POMT1: variants seen among roughly 807,000 people sequenced by gnomAD.
POMT1 encodes protein O-mannosyltransferase 1.
Under a neutral mutation model 101.6 loss-of-function variants are expected in POMT1, and 85 were observed. The ratio of observed to expected loss-of-function variants is 0.84; its 90% CI spans 0.70 to 1.00. POMT1 has a LOEUF of 1.00. POMT1 is among the 50% of genes least tolerant of loss of function. POMT1 has a pLI of 0.00. For missense variants in POMT1, 857 were observed against 930.4 expected (o/e 0.92, Z 1.03); for synonymous variants, 371 against 383.0 (o/e 0.97, Z 0.37).
Position 131,519,052 on chromosome 9 carries a change from G to T in POMT1, c.1486+95G>T. On this transcript the variant is annotated intron_variant, in intron 15 of 19. Coordinates refer to ENST00000402686, the MANE Select transcript of POMT1 (RefSeq NM_001077365.2). The surrounding 1 kb of genome is among the most constrained non-coding windows in gnomAD (Gnocchi z 4.3). Reference sequence around the variant, plus strand: ...CAGAGTTCTCATTTTGGTGGGAAGGGAACTGAGCACATTCTCCATGCTCGG... The same window carrying T: ...CAGAGTTCTCATTTTGGTGGGAAGGTAACTGAGCACATTCTCCATGCTCGG... 1 of 1,574,820 alleles carries T rather than the reference G, an allele frequency of 6.3e-7. No homozygotes were observed. Among genetic ancestry groups the T allele is most frequent in the Middle Eastern group, 2.2e-4 (1 of 4,458 alleles).
Position 131,523,284 on chromosome 9 carries a change from T to G in POMT1, c.*178T>G, listed in dbSNP as rs915804227. The G allele has an allele frequency of 2.8e-6, 2 of 717,982 alleles. No homozygotes were observed. Among genetic ancestry groups the G allele is most frequent in the African/African-American group, 1.8e-5 (1 of 56,476 alleles). 44.5% of individuals were successfully genotyped at this position (717,982 alleles called of 1,614,324 possible). ...AAAAGCTCTCTGATGAGCACCTCCT[T>G]TTGTGCAAAGTTAATTTTTTCTCGA... On this transcript the variant is annotated 3_prime_UTR_variant, in exon 20 of 20. Coordinates refer to ENST00000402686, the MANE Select transcript of POMT1 (RefSeq NM_001077365.2).
In POMT1 at chr9:131,509,803, AG is replaced by A; in HGVS notation, c.601del (p.Val201TrpfsTer63). ...TLTGVACSCAVGIKYMGVFTY... is the reference protein window; with the variant it reads ...TLTGVACSCAXGIKYMGVFTY... Reference sequence around the variant, plus strand: ...TGACAGGGGTCGCTTGTTCCTGTGCAGTGGGGTGAGTTTGAGCCTCTGGTCT... The same window carrying A: ...TGACAGGGGTCGCTTGTTCCTGTGCATGGGGTGAGTTTGAGCCTCTGGTCT... On this transcript the variant is annotated frameshift_variant, in exon 7 of 20. Transcript: ENST00000402686. LOFTEE classifies it high-confidence loss of function. 1 of 1,614,140 alleles carries A rather than the reference AG, an allele frequency of 6.2e-7. No individual in the cohort carries two copies. Among genetic ancestry groups the A allele is most frequent in the Non-Finnish European group, 8.5e-7 (1 of 1,180,020 alleles).
At chr9:131,512,913 C>T (rs1046959520) in intron 11 of POMT1, among the ~76,000 whole-genome samples, 1 of 150,682 alleles carries the variant, frequency 6.6e-6, no homozygotes, top group African/African-American at 2.4e-5. Flanking sequence ...CGCCCGGCCC[C>T]CTCATACACT....
rs776575452 is a variant in POMT1, at chr9:131,503,466, C to T, written c.-31+393C>T. On this transcript the variant is annotated intron_variant, in intron 1 of 19. Coordinates refer to ENST00000402686, the MANE Select transcript of POMT1 (RefSeq NM_001077365.2). The surrounding 1 kb of genome is among the most constrained non-coding windows in gnomAD (Gnocchi z 4.4). ...TGGGACCTTTTGGGACGAAGGCGCTCAAGGCAGATGCAGCTCAGGGAGGGA... is the reference window on the plus strand; with the variant it reads ...TGGGACCTTTTGGGACGAAGGCGCTTAAGGCAGATGCAGCTCAGGGAGGGA... Among the ~76,000 whole-genome samples, 2 of 152,134 alleles carry T rather than the reference C, an allele frequency of 1.3e-5. No homozygotes were observed. Among genetic ancestry groups the T allele is most frequent in the Non-Finnish European group, 2.9e-5 (2 of 68,022 alleles).
At chr9:131,521,025 T>TA (rs1349993330) in intron 17 of POMT1, 3 of 378,832 alleles carry the variant, frequency 7.9e-6, no homozygotes, top group African/African-American at 6.3e-5. Flanking sequence ...TACTTTTTAA[T>TA]AGAGACGGGG....
chr9:131,513,172 CT>C, intron 11 of POMT1, 66 bp from the exon 12 acceptor site: 1 of 1,364,516 alleles, frequency 7.3e-7, no homozygotes, highest in Non-Finnish European at 1.0e-6. Context: ...AGCTGTGCCC[CT>C]CCGGTGCAGC....
intron 12 of POMT1, among the ~76,000 whole-genome samples, 171 bp from the exon 13 acceptor site, chr9:131,515,255 C>T (rs1019692079): frequency 1.3e-5 from 2 of 152,216 alleles, no homozygotes; most frequent in Admixed American, 6.5e-5. Context: ...CTCCCATCGC[C>T]GAGCCTCAAG....
Position 131,519,655 on chromosome 9 carries a change from C to T in POMT1, c.1584+169C>T, listed in dbSNP as rs1949515479. Among the ~76,000 whole-genome samples the T allele has an allele frequency of 6.6e-6, 1 of 152,170 alleles. No individual in the cohort carries two copies. Among genetic ancestry groups the T allele is most frequent in the Non-Finnish European group, 1.5e-5 (1 of 68,034 alleles). ...CTCCAGTGTAAGGGACTGTGTGTGA[C>T]ACCCCTGGCCCACACCTTGTGGCCC... is the stretch of plus-strand genomic sequence containing the variant. On this transcript the variant is annotated intron_variant, in intron 16 of 19. Transcript: ENST00000402686. The surrounding 1 kb of genome is among the most constrained non-coding windows in gnomAD (Gnocchi z 4.3).
Position 131,522,179 on chromosome 9 carries a change from T to C in POMT1, c.1958T>C (p.Leu653Pro). ...HYLPALTFQILLLPVVLQHIS... is the reference protein window; with the variant it reads ...HYLPALTFQIPLLPVVLQHIS... ...CTGCCCGCACTCACCTTCCAAATCCTTCTGCTCCCTGTGGTCCTGCAGCAC... is the reference window on the plus strand; with the variant it reads ...CTGCCCGCACTCACCTTCCAAATCCCTCTGCTCCCTGTGGTCCTGCAGCAC... The change falls in exon 19 of 20, where the codon CTT becomes CCT. Residue 653 changes from leucine (L) to proline (P), a missense_variant. Coordinates refer to ENST00000402686, the MANE Select transcript of POMT1 (RefSeq NM_001077365.2). This position sits in a 1 kb window ranked among gnomAD's most constrained non-coding sequence, Gnocchi z 5.5. 6.2e-7 allele frequency: 1 copy of C among 1,614,126 alleles called. No individual in the cohort carries two copies. Among genetic ancestry groups the C allele is most frequent in the Non-Finnish European group, 8.5e-7 (1 of 1,180,034 alleles).
Position 131,511,478 on chromosome 9 carries a change from G to A in POMT1, c.986+11G>A. The A allele has an allele frequency of 6.2e-7, 1 of 1,614,040 alleles. No individual in the cohort carries two copies. Among genetic ancestry groups the A allele is most frequent in the Non-Finnish European group, 8.5e-7 (1 of 1,179,918 alleles). ...CACCTACCCCATGATGTAAGGTGATGGTTTTACTTTGAAGATAATTAAATG... is the reference window on the plus strand; with the variant it reads ...CACCTACCCCATGATGTAAGGTGATAGTTTTACTTTGAAGATAATTAAATG... On this transcript the variant is annotated intron_variant, in intron 10 of 19. Coordinates refer to ENST00000402686, the MANE Select transcript of POMT1 (RefSeq NM_001077365.2).
intron 10 of POMT1, 112 bp from the exon 11 acceptor site, chr9:131,511,929 T>C (rs1947201680): frequency 8.8e-7 from 1 of 1,133,514 alleles, no homozygotes; most frequent in Non-Finnish European, 1.3e-6. Context: ...CAGGCTGGTC[T>C]CAAACTCCTG....
chr9:131,521,469 C>T lies in POMT1; in HGVS notation c.1822C>T (p.Gln608Ter), dbSNP rs1564388710. ...GCGAAGAAATGTCCATGACCTCCCT[C>T]AGGGTTAGTACCTCTCCCACATGGC... is the stretch of plus-strand genomic sequence containing the variant. ...RRRRNVHDLP[Q>*]DAWLRWVLAG... is the part of the protein sequence containing the mutation. Residue 608 changes from glutamine (Q) to a stop codon, truncating the protein, a stop_gained, in exon 18 of 20, where the codon CAG (glutamine) becomes TAG (stop). Coordinates refer to ENST00000402686, the MANE Select transcript of POMT1 (RefSeq NM_001077365.2). LOFTEE classifies it high-confidence loss of function. 1 of 1,614,006 alleles carries T rather than the reference C, an allele frequency of 6.2e-7. No individual in the cohort carries two copies. The highest frequency in any genetic ancestry group is 8.5e-7 in the Non-Finnish European group (1 of 1,179,966).
chr9:131,504,281 C>T lies in POMT1; in HGVS notation c.63C>T (p.Ala21=), dbSNP rs748573731. ...CTGACATCAACTTGAGCCTTGTGGC[C>T]CTGACTGGGATGGGGTTACTGAGCC... ...VTADINLSLV[A]LTGMGLLSRL... Residue 21 remains alanine (A), a synonymous_variant, in exon 2 of 20, where the codon GCC becomes GCT. Coordinates refer to ENST00000402686, the MANE Select transcript of POMT1 (RefSeq NM_001077365.2). The T allele has an allele frequency of 2.5e-6, 4 of 1,614,046 alleles. No homozygotes were observed. The East Asian group carries it at 8.9e-5, about 36-fold the overall frequency.
chr9:131,511,652 T>C, intron 10 of POMT1, 185 bp downstream of exon 10: 1 of 726,388 alleles, frequency 1.4e-6, no homozygotes, highest in Non-Finnish European at 2.3e-6. Flanking sequence ...ACTTGGCGTG[T>C]GGCAGGGCCC....
At chr9:131,520,274 C>T in intron 17 of POMT1, 81 bp downstream of exon 17, 1 of 1,207,950 alleles carries the variant, frequency 8.3e-7, no homozygotes, top group East Asian at 2.4e-5. Context: ...GCAGCCGCTG[C>T]ACCCTAGAAA....
intron 11 of POMT1, among the ~76,000 whole-genome samples, chr9:131,512,968 G>A (rs1947454535): frequency 6.6e-6 from 1 of 152,232 alleles, no homozygotes; most frequent in South Asian, 2.1e-4. Flanking sequence ...GGCAGTCATG[G>A]TACATTTGTC....
At chr9:131,513,902 C>A (rs1947697391) in intron 12 of POMT1, among the ~76,000 whole-genome samples, 1 of 152,236 alleles carries the variant, frequency 6.6e-6, no homozygotes. Context: ...GGCCTTGCTG[C>A]CTCTGCACAG....
chr9:131,507,245 A>G, intron 4 of POMT1, 123 bp from the exon 5 acceptor site: 1 of 1,483,526 alleles, frequency 6.7e-7, no homozygotes, highest in Non-Finnish European at 9.3e-7. Flanking sequence ...TGGGGTCCCC[A>G]GTTTTGTAAA....
Position 131,522,635 on chromosome 9 carries a change from G to A in POMT1, c.2004-297G>A. Reference sequence around the variant, plus strand: ...GTTTGGAGGTTGGAGCAGAGGGCGAGGGCCTCCCGGTTTCAGGAAGCCACA... The same window carrying A: ...GTTTGGAGGTTGGAGCAGAGGGCGAAGGCCTCCCGGTTTCAGGAAGCCACA... On this transcript the variant is annotated intron_variant, in intron 19 of 19. Transcript: ENST00000402686. This position sits in a 1 kb window ranked among gnomAD's most constrained non-coding sequence, Gnocchi z 5.5. 3.6e-6 allele frequency: 2 copies of A among 552,710 alleles called. No individual in the cohort carries two copies. Among genetic ancestry groups the A allele is most frequent in the Non-Finnish European group, 6.5e-6 (2 of 307,398 alleles). 34.2% of individuals were successfully genotyped at this position (552,710 alleles called of 1,614,324 possible).
Sources: gnomAD v4.1 joint callset for allele counts (sites outside exome capture counted in the v4.1 genomes callset) on GRCh38, gnomAD v4.1.1 for gene constraint, Gnocchi (gnomAD v3.1) non-coding constraint, MANE v1.5 for transcripts, NCBI Gene and HGNC (gene_info 2026-07-23, HGNC 2026-07-21) for gene names.